Variants in CPNE7 observed in about 807,000 individuals in gnomAD.
CPNE7 encodes the protein copine 7.
A neutral mutation model predicts 66.5 loss-of-function variants in CPNE7; 78 were observed. That is an observed-to-expected ratio of 1.17 (90% CI 0.98 to 1.42). The LOEUF (loss-of-function observed/expected upper bound fraction) is 1.42. Among genes scored for constraint, CPNE7 ranks in the 40% most tolerant of loss-of-function variants. The pLI is 0.00. For synonymous variants in CPNE7, 468 were observed against 336.7 expected (o/e 1.39, Z -4.27); for missense variants, 1,012 against 776.6 (o/e 1.30, Z -3.60).
Position 89,582,859 on chromosome 16 carries a change from C to G in CPNE7, c.358-838C>G, listed in dbSNP as rs191773651. ...CACACCTGCTACCTGGTGGGCCATTCGATGGTTGCTGAGATCACTTACGTG... is the reference window on the plus strand; with the variant it reads ...CACACCTGCTACCTGGTGGGCCATTGGATGGTTGCTGAGATCACTTACGTG... On this transcript the variant is annotated intron_variant, in intron 2 of 14. Transcript: ENST00000319518. Among the ~76,000 whole-genome samples, 3 of 152,388 alleles carry G rather than the reference C, an allele frequency of 2.0e-5. No individual in the cohort carries two copies. In the East Asian group the frequency reaches 5.8e-4, roughly 29 times the overall value.
Position 89,585,706 on chromosome 16 carries a change from A to C in CPNE7, c.701A>C (p.Asp234Ala). ...RPLKCLVWDY[D>A]SRGKHDFIGE... is the part of the protein sequence containing the mutation. ...CCCCAGTGCCTGGTCTGGGATTACG[A>C]CTCTCGAGGAAAGCACGACTTCATC... Residue 234 changes from aspartate (D) to alanine (A), a missense_variant, in exon 7 of 15, where the codon GAC becomes GCC. Physicochemically the swap from Asp to Ala is moderately radical, Grantham distance 126. Coordinates refer to ENST00000319518, the MANE Select transcript of CPNE7 (RefSeq NM_153636.3). The C allele has an allele frequency of 6.5e-7, 1 of 1,548,132 alleles. No individual in the cohort carries two copies. Among genetic ancestry groups the C allele is most frequent in the Non-Finnish European group, 8.7e-7 (1 of 1,146,644 alleles).
chr16:89,577,220 G>A (rs960565545), intron 1 of CPNE7, among the ~76,000 whole-genome samples: 1 of 152,168 alleles, frequency 6.6e-6, no homozygotes, highest in African/African-American at 2.4e-5. Context: ...GTGCTGGGGA[G>A]CGGCCTGCAC....
At chr16:89,582,332 T>C (rs1021849152) in intron 2 of CPNE7, among the ~76,000 whole-genome samples, 1 of 152,248 alleles carries the variant, frequency 6.6e-6, no homozygotes, top group Non-Finnish European at 1.5e-5. Flanking sequence ...TATTAAACGC[T>C]GTTGGCACAA....
chr16:89,578,866 A>C, intron 2 of CPNE7: 1 of 1,611,948 alleles, frequency 6.2e-7, no homozygotes, highest in East Asian at 2.2e-5. Flanking sequence ...GCCAGCCCAA[A>C]AGTGGCTTCT....
At chr16:89,581,583 G>T (rs974054836) in intron 2 of CPNE7, among the ~76,000 whole-genome samples, 2 of 152,208 alleles carry the variant, frequency 1.3e-5, no homozygotes, top group Non-Finnish European at 2.9e-5. Context: ...TTTAGATAAG[G>T]AAACTGAGAG....
In CPNE7 at chr16:89,587,064, C is replaced by G; in HGVS notation, c.889C>G (p.Leu297Val). The G allele has an allele frequency of 1.9e-6, 3 of 1,580,394 alleles. No homozygotes were observed. Among genetic ancestry groups the G allele is most frequent in the Non-Finnish European group, 2.6e-6 (3 of 1,163,102 alleles). Reference sequence around the variant, plus strand: ...GAAGTTCCACAGGGTGTACTCCTTCCTGGACTATATCATGGGCGGCTGCCA... The same window carrying G: ...GAAGTTCCACAGGGTGTACTCCTTCGTGGACTATATCATGGGCGGCTGCCA... ...DLKFHRVYSF[L>V]DYIMGGCQIH... The change falls in exon 9 of 15, where the codon CTG becomes GTG. Residue 297 changes from leucine to valine, a missense_variant. Leu to Val is a conservative substitution (Grantham distance 32, BLOSUM62 1). Coordinates refer to ENST00000319518, the MANE Select transcript of CPNE7 (RefSeq NM_153636.3).
rs1226270483 is a variant in CPNE7, at chr16:89,587,104, T to G, written c.927+2T>G. The G allele has an allele frequency of 6.4e-7, 1 of 1,551,364 alleles. No individual in the cohort carries two copies. Among genetic ancestry groups the G allele is most frequent in the Non-Finnish European group, 8.7e-7 (1 of 1,148,168 alleles). On this transcript the variant is annotated splice_donor_variant, in intron 9 of 14. Coordinates refer to ENST00000319518, the MANE Select transcript of CPNE7 (RefSeq NM_153636.3). LOFTEE classifies it high-confidence loss of function. ...GGCGGCTGCCAGATCCACTTCACCG[T>G]GAGTCCATGGCCCCGCCCCATGCCG...
rs2059263598 is a variant in CPNE7, at chr16:89,596,766, C to G, written c.*145C>G. ...GCCCCACTCCCAGTCCTCCTGGGAT[C>G]CTGCTGGCTTGGGCCCGGCTCTGGG... On this transcript the variant is annotated 3_prime_UTR_variant, in exon 15 of 15. Coordinates refer to ENST00000319518, the MANE Select transcript of CPNE7 (RefSeq NM_153636.3). 9.2e-7 allele frequency: 1 copy of G among 1,089,404 alleles called. No individual in the cohort carries two copies. Among genetic ancestry groups the G allele is most frequent in the South Asian group, 2.2e-5 (1 of 44,986 alleles). The allele number at this position is 1,089,404 out of a possible 1,614,324, so 67.5% of individuals were successfully genotyped here. A position where few individuals can be genotyped will look rare whatever the true frequency, so the allele number is the denominator to read the frequency against.
chr16:89,585,624 G>A, intron 6 of CPNE7, 63 bp from the exon 7 acceptor site: 1 of 1,552,564 alleles, frequency 6.4e-7, no homozygotes, highest in South Asian at 1.2e-5. Flanking sequence ...GAGACACCTG[G>A]GCTCGGGTGG....
At chr16:89,595,661 T>G (rs535622677) in intron 14 of CPNE7, 58 bp downstream of exon 14, 3 of 1,443,020 alleles carry the variant, frequency 2.1e-6, no homozygotes. Context: ...TTCATGTCAC[T>G]GCCCAAGACC....
chr16:89,590,622 T>C (rs1157534955), intron 11 of CPNE7, among the ~76,000 whole-genome samples: 1 of 151,440 alleles, frequency 6.6e-6, no homozygotes, highest in Non-Finnish European at 1.5e-5. Flanking sequence ...CAGGCACTGC[T>C]GGATCCAGGG....
At chr16:89,590,931 C>T (rs1423166666) in intron 11 of CPNE7, 76 bp from the exon 12 acceptor site, 37 of 1,528,714 alleles carry the variant, frequency 2.4e-5, no homozygotes, top group East Asian at 2.3e-5. Flanking sequence ...ACGGGGGGAG[C>T]AGCTGACCGA....
chr16:89,589,985 G>C (rs756869403), intron 11 of CPNE7, 34 bp downstream of exon 11: 4 of 1,611,688 alleles, frequency 2.5e-6, no homozygotes, highest in Non-Finnish European at 3.4e-6. Context: ...CCTCAGAGCT[G>C]TGCCCTTCTC....
intron 2 of CPNE7, among the ~76,000 whole-genome samples, chr16:89,582,678 C>T (rs1387541014): frequency 2.0e-5 from 3 of 152,232 alleles, no homozygotes; most frequent in Non-Finnish European, 4.4e-5. Context: ...GCTTTCTCTT[C>T]TGTGTGGAAA....
At position 89,583,782 on chromosome 16, in the gene CPNE7, G is replaced by A; in HGVS notation, c.432+11G>A. The A allele has an allele frequency of 1.9e-6, 3 of 1,612,450 alleles. No homozygotes were observed. The highest frequency in any genetic ancestry group is 2.5e-6 in the Non-Finnish European group (3 of 1,179,812). On this transcript the variant is annotated intron_variant, in intron 3 of 14. Transcript: ENST00000319518. ...AAGTCCACCATCACGGTGAGACCCGGGCGCACCCCTGCAGCCTGCAGGCCC... is the reference window on the plus strand; with the variant it reads ...AAGTCCACCATCACGGTGAGACCCGAGCGCACCCCTGCAGCCTGCAGGCCC...
At chr16:89,583,254 G>C (rs568598754) in intron 2 of CPNE7, among the ~76,000 whole-genome samples, 1 of 152,264 alleles carries the variant, frequency 6.6e-6, no homozygotes, top group East Asian at 1.9e-4. Flanking sequence ...CATGCTGGGC[G>C]TGAGGGTCCG....
rs947205825 is a variant in CPNE7, at chr16:89,586,584, G to A, written c.781-86G>A. 6.0e-5 allele frequency: 66 copies of A among 1,093,042 alleles called. No individual in the cohort carries two copies. In the Middle Eastern group the frequency reaches 6.1e-4, roughly 10 times the overall value. 67.7% of individuals were successfully genotyped at this position (1,093,042 alleles called of 1,614,324 possible). On this transcript the variant is annotated intron_variant, in intron 7 of 14. Transcript: ENST00000319518. ...CCCCACCACGGGGCCCTCTGCCGTC[G>A]CTATTGGGGATGGTCTTGGGTAGGG...
chr16:89,589,459 G>A (rs976222899), intron 10 of CPNE7, among the ~76,000 whole-genome samples: 10 of 152,224 alleles, frequency 6.6e-5, no homozygotes, highest in Admixed American at 1.3e-4. Context: ...GGGAGGGCCC[G>A]GCACAAAACC....
At chr16:89,581,647 C>G (rs990720090) in intron 2 of CPNE7, among the ~76,000 whole-genome samples, 1 of 152,102 alleles carries the variant, frequency 6.6e-6, no homozygotes, top group South Asian at 2.1e-4. Context: ...TATGGACATG[C>G]TTTTTTTGTT....
Sources: gnomAD v4.1 joint callset for allele counts (sites outside exome capture counted in the v4.1 genomes callset) on GRCh38, gnomAD v4.1.1 for gene constraint, MANE v1.5 for transcripts, NCBI Gene and HGNC (gene_info 2026-07-23, HGNC 2026-07-21) for gene names.